Variants in ENKD1 observed in about 807,000 individuals in gnomAD.
ENKD1 encodes the protein enkurin domain-containing protein 1.
ENKD1 carries 39 observed loss-of-function variants against 35.8 expected under a neutral mutation model. The observed-to-expected ratio is 1.09, with a 90% CI of 0.84 to 1.42. The LOEUF (loss-of-function observed/expected upper bound fraction) is 1.42. Ranked by LOEUF, ENKD1 falls within the 40% of genes most tolerant of loss-of-function variation. The pLI is 0.00. For synonymous variants in ENKD1, 205 were observed against 198.6 expected, an observed-to-expected ratio of 1.03 and a Z score of -0.27; for missense variants, 474 against 471.3, an observed-to-expected ratio of 1.01 and a Z score of -0.05.
Position 67,663,922 on chromosome 16 carries a change from C to T in ENKD1, c.579+15G>A, listed in dbSNP as rs990435497. ...CCCTGCCCAACCACCATCTAGCCCC[C>T]ATACATCCTCTCACCTTAGCTTCGG... On this transcript the variant is annotated intron_variant, in intron 4 of 6. Transcript: ENST00000243878. 1.0e-4 allele frequency: 160 copies of T among 1,607,156 alleles called. No homozygotes were observed. Among genetic ancestry groups the T allele is most frequent in the Non-Finnish European group, 1.3e-4 (158 of 1,176,802 alleles).
chr16:67,666,001 G>C, intron 2 of ENKD1, 70 bp downstream of exon 2: 1 of 1,527,256 alleles, frequency 6.5e-7, no homozygotes, highest in South Asian at 1.2e-5. Flanking sequence ...AGGGTGGAAA[G>C]AGCAGCTGCT....
rs1311087670 is a variant in ENKD1, at chr16:67,663,410, A to C, written c.880+10T>G. 1.9e-6 allele frequency: 3 copies of C among 1,612,740 alleles called. No homozygotes were observed. The highest frequency in any genetic ancestry group is 2.5e-6 in the Non-Finnish European group (3 of 1,179,618). Reference sequence around the variant, plus strand: ...GGGCCCCCCTCCAGCCTCCCTGCCCAGGTACTCACTCTGGAGCAGCTTGGT... The same window carrying C: ...GGGCCCCCCTCCAGCCTCCCTGCCCCGGTACTCACTCTGGAGCAGCTTGGT... On this transcript the variant is annotated intron_variant, in intron 6 of 6. Transcript: ENST00000243878.
chr16:67,666,202 T>G lies in ENKD1; in HGVS notation c.149A>C (p.Asp50Ala). 1 of 1,610,502 alleles carries G rather than the reference T, an allele frequency of 6.2e-7. No homozygotes were observed. The highest frequency in any genetic ancestry group is 8.5e-7 in the Non-Finnish European group (1 of 1,178,502). ...LDLLTSDRAL[D>A]TTAPRGPCIG... ...GCAGGGGCCACGGGGAGCGGTGGTG[T>G]CCAGGGCCCGGTCGGAAGTCAGCAA... Residue 50 changes from aspartate to alanine, a missense_variant, in exon 2 of 7, where the codon GAC becomes GCC. Coordinates refer to ENST00000243878, the MANE Select transcript of ENKD1 (RefSeq NM_032140.3).
rs1437500852 is a variant in ENKD1, at chr16:67,666,653, C to G, written c.-211G>C. ...TCTGCTCCCAGCCCACTTCTCGGTCCCGCTCGCGGCCTCTCCCCCGCGGCA... is the reference window on the plus strand; with the variant it reads ...TCTGCTCCCAGCCCACTTCTCGGTCGCGCTCGCGGCCTCTCCCCCGCGGCA... On this transcript the variant is annotated 5_prime_UTR_variant, in exon 1 of 7. Transcript: ENST00000243878. The G allele has an allele frequency of 3.9e-6, 2 of 513,174 alleles. No individual in the cohort carries two copies. Among genetic ancestry groups the G allele is most frequent in the African/African-American group, 4.1e-5 (2 of 49,218 alleles). The allele number at this position is 513,174 out of a possible 1,614,324, so 31.8% of individuals were successfully genotyped here.
At position 67,663,963 on chromosome 16, in the gene ENKD1, G is replaced by A. The variant is rs758457952; in HGVS notation, c.553C>T (p.Pro185Ser). Reference protein sequence around the residue: ...LPPPHVSSPQPTPPGPEAKEP... With the variant: ...LPPPHVSSPQSTPPGPEAKEP... Reference sequence around the variant, plus strand: ...TTAGCTTCGGGACCTGGTGGGGTTGGCTGGGGACTAGATACATGGGGTGGT... The same window carrying A: ...TTAGCTTCGGGACCTGGTGGGGTTGACTGGGGACTAGATACATGGGGTGGT... Residue 185 changes from proline (P) to serine (S), a missense_variant, in exon 4 of 7, where the codon CCA (proline) becomes TCA (serine). By Grantham distance (74) the Pro-to-Ser change is moderately conservative. Coordinates refer to ENST00000243878, the MANE Select transcript of ENKD1 (RefSeq NM_032140.3). 2.5e-6 allele frequency: 4 copies of A among 1,601,934 alleles called. No individual in the cohort carries two copies. In the Admixed American group the frequency reaches 5.1e-5, roughly 21 times the overall value.
Position 67,666,451 on chromosome 16 carries a change from C to T in ENKD1, c.-9G>A, listed in dbSNP as rs1354337950. 89 of 1,502,670 alleles carry T rather than the reference C, an allele frequency of 5.9e-5. No individual in the cohort carries two copies. The highest frequency in any genetic ancestry group is 7.2e-5 in the Non-Finnish European group (82 of 1,132,976). The allele number at this position is 1,502,670 out of a possible 1,614,324, so 93.1% of individuals were successfully genotyped here. ...GACGGGCCCTCGCACATGCCGCCGG[C>T]GCCGCCCAGCAACGGTGCCCCGAGG... On this transcript the variant is annotated 5_prime_UTR_variant, in exon 1 of 7. Coordinates refer to ENST00000243878, the MANE Select transcript of ENKD1 (RefSeq NM_032140.3).
chr16:67,663,126 G>T lies in ENKD1; in HGVS notation c.*35C>A. ...CTTTGCAGCCATGTGGCGATCCTCA[G>T]CATGGAGCTCCTTGCCACTGTCCCC... On this transcript the variant is annotated 3_prime_UTR_variant, in exon 7 of 7. Transcript: ENST00000243878. The T allele has an allele frequency of 1.9e-6, 3 of 1,612,098 alleles. No homozygotes were observed. Among genetic ancestry groups the T allele is most frequent in the Non-Finnish European group, 2.5e-6 (3 of 1,179,028 alleles).
chr16:67,664,811 C>T (rs1366291233), intron 3 of ENKD1, 185 bp downstream of exon 3: 1 of 655,240 alleles, frequency 1.5e-6, no homozygotes, highest in Non-Finnish European at 2.5e-6. Context: ...TGCTACTTGC[C>T]CTCAGGATCA....
Position 67,666,473 on chromosome 16 carries a change from G to A in ENKD1, c.-31C>T, listed in dbSNP as rs773899110. 79 of 1,477,554 alleles carry A rather than the reference G, an allele frequency of 5.3e-5. No individual in the cohort carries two copies. Among genetic ancestry groups the A allele is most frequent in the Non-Finnish European group, 6.8e-5 (76 of 1,120,600 alleles). 91.5% of individuals were successfully genotyped at this position (1,477,554 alleles called of 1,614,324 possible). Reference sequence around the variant, plus strand: ...CGGCGCCGCCCAGCAACGGTGCCCCGAGGCCTGCAGGGCTGTTTACCTCCC... The same window carrying A: ...CGGCGCCGCCCAGCAACGGTGCCCCAAGGCCTGCAGGGCTGTTTACCTCCC... On this transcript the variant is annotated 5_prime_UTR_variant, in exon 1 of 7. Transcript: ENST00000243878.
intron 3 of ENKD1, 32 bp from the exon 4 acceptor site, chr16:67,664,094 C>T: frequency 1.9e-6 from 3 of 1,543,236 alleles, no homozygotes; most frequent in Non-Finnish European, 2.6e-6. Context: ...AGAGAGCAGG[C>T]AGGCTGAGGT....
At chr16:67,665,506 C>T (rs556784774) in intron 2 of ENKD1, among the ~76,000 whole-genome samples, 5 of 152,254 alleles carry the variant, frequency 3.3e-5, no homozygotes, top group African/African-American at 9.6e-5. Context: ...GGATTACAGA[C>T]ACACTCCACC....
At position 67,666,189 on chromosome 16, in the gene ENKD1, G is replaced by A. The variant is rs745650430; in HGVS notation, c.162C>T (p.Pro54=). Reference sequence around the variant, plus strand: ...CACCGGGACCGATGCAGGGGCCACGGGGAGCGGTGGTGTCCAGGGCCCGGT... The same window carrying A: ...CACCGGGACCGATGCAGGGGCCACGAGGAGCGGTGGTGTCCAGGGCCCGGT... ...TSDRALDTTA[P]RGPCIGPGAG... The change falls in exon 2 of 7, where the codon CCC becomes CCT. Residue 54 remains proline (P), a synonymous_variant. Transcript: ENST00000243878. 3.7e-6 allele frequency: 6 copies of A among 1,611,886 alleles called. No homozygotes were observed. The highest frequency in any genetic ancestry group is 1.1e-5 in the South Asian group (1 of 91,006).
Position 67,663,197 on chromosome 16 carries a change from A to G in ENKD1, c.1005T>C (p.Phe335=). 6.2e-7 allele frequency: 1 copy of G among 1,614,050 alleles called. No individual in the cohort carries two copies. The highest frequency in any genetic ancestry group is 1.1e-5 in the South Asian group (1 of 91,082). Residue 335 remains phenylalanine, a synonymous_variant, in exon 7 of 7, where the codon TTT becomes TTC. Coordinates refer to ENST00000243878, the MANE Select transcript of ENKD1 (RefSeq NM_032140.3). ...TCTTCACGAAGACTTTGGGCCGAGAAAAGATCTTGATGGCCTCCTCTACCT... is the reference window on the plus strand; with the variant it reads ...TCTTCACGAAGACTTTGGGCCGAGAGAAGATCTTGATGGCCTCCTCTACCT... ...LVQVEEAIKI[F]SRPKVFVKMD...
chr16:67,665,084 C>T lies in ENKD1; in HGVS notation c.365G>A (p.Arg122Gln), dbSNP rs80350394. The change falls in exon 3 of 7, where the codon CGG (arginine) becomes CAG (glutamine). Residue 122 changes from arginine (R) to glutamine (Q), a missense_variant. Arg to Gln is a conservative substitution (Grantham distance 43). Transcript: ENST00000243878. ...CAGGGGCCTGGGCTGGCCCTGCTCC[C>T]GGCTGCGCTCCTGTTCTCTGAAGCG... ...QKRFREQERS[R>Q]EQGQPRPLKA... 126 of 1,613,904 alleles carry T rather than the reference C, an allele frequency of 7.8e-5. No homozygotes were observed. Among genetic ancestry groups the T allele is most frequent in the Non-Finnish European group, 1.0e-4 (122 of 1,179,994 alleles).
intron 3 of ENKD1, chr16:67,664,394 C>T (rs1038442574): frequency 4.8e-6 from 2 of 418,666 alleles, no homozygotes; most frequent in Non-Finnish European, 4.5e-6. Context: ...TCCTTGGTCT[C>T]GTTGTCCTCA....
intron 4 of ENKD1, 47 bp from the exon 5 acceptor site, chr16:67,663,867 T>C: frequency 6.2e-7 from 1 of 1,602,316 alleles, no homozygotes; most frequent in Non-Finnish European, 8.5e-7. Context: ...CATTATGTTG[T>C]GTCCCTGAAC....
Position 67,665,956 on chromosome 16 carries a change from T to C in ENKD1, c.280+115A>G, listed in dbSNP as rs2053095308. The C allele has an allele frequency of 5.2e-6, 6 of 1,152,456 alleles. No individual in the cohort carries two copies. The Admixed American group carries it at 7.8e-5, about 15-fold the overall frequency. The allele number at this position is 1,152,456 out of a possible 1,614,324, so 71.4% of individuals were successfully genotyped here. A position where few individuals can be genotyped will look rare whatever the true frequency, so the allele number is the denominator to read the frequency against. ...CTCCCCCTTTTATAGTTGGGGAAAC[T>C]GAGACTCAAGAGATGCAAAGCCTGG... On this transcript the variant is annotated intron_variant, in intron 2 of 6. Coordinates refer to ENST00000243878, the MANE Select transcript of ENKD1 (RefSeq NM_032140.3).
rs184418769 is a variant in ENKD1, at chr16:67,663,094, C to A, written c.*67G>T. The A allele has an allele frequency of 6.3e-7, 1 of 1,587,472 alleles. No individual in the cohort carries two copies. Among genetic ancestry groups the A allele is most frequent in the Non-Finnish European group, 8.6e-7 (1 of 1,165,858 alleles). ...ACCTCTGCTCTGGGATTGGGTCCAACCCTGTCCTTTGCAGCCATGTGGCGA... is the reference window on the plus strand; with the variant it reads ...ACCTCTGCTCTGGGATTGGGTCCAAACCTGTCCTTTGCAGCCATGTGGCGA... On this transcript the variant is annotated 3_prime_UTR_variant, in exon 7 of 7. Coordinates refer to ENST00000243878, the MANE Select transcript of ENKD1 (RefSeq NM_032140.3).
At chr16:67,664,843 A>T in intron 3 of ENKD1, 153 bp downstream of exon 3, 1 of 928,016 alleles carries the variant, frequency 1.1e-6, no homozygotes, top group Non-Finnish European at 1.6e-6. Flanking sequence ...ACTACTTCTG[A>T]GAAGCCCCCC....
Sources: gnomAD v4.1 joint callset for allele counts (sites outside exome capture counted in the v4.1 genomes callset) on GRCh38, gnomAD v4.1.1 for gene constraint, MANE v1.5 for transcripts, NCBI Gene and HGNC (gene_info 2026-07-23, HGNC 2026-07-21) for gene names.